Variants in MTF2 observed in about 807,000 individuals in gnomAD.
MTF2 encodes metal response element binding transcription factor 2.
A neutral mutation model predicts 79.5 loss-of-function variants in MTF2; 11 were observed. That is an observed-to-expected ratio of 0.14 (90% CI 0.09 to 0.23). MTF2 has a LOEUF of 0.23. Ranked by LOEUF, MTF2 falls within the 10% of genes least tolerant of loss-of-function variation. The pLI is 1.00. For missense variants in MTF2, 486 were observed against 711.2 expected, an observed-to-expected ratio of 0.68 and a Z score of 3.60; for synonymous variants, 208 against 232.8, an observed-to-expected ratio of 0.89 and a Z score of 0.97.
At chr1:93,122,250 C>T (rs986291227) in intron 9 of MTF2, among the ~76,000 whole-genome samples, 3 of 152,094 alleles carry the variant, frequency 2.0e-5, no homozygotes, top group Non-Finnish European at 4.4e-5. Context: ...ATTCTTTTAG[C>T]ACTTCATATG....
chr1:93,116,101 A>T (rs1177844539), intron 6 of MTF2, among the ~76,000 whole-genome samples: 2 of 152,240 alleles, frequency 1.3e-5, no homozygotes, highest in African/African-American at 4.8e-5. Context: ...GATAGGGCAC[A>T]GATTGTAGTG....
chr1:93,103,868 CT>C (rs1217757088), intron 1 of MTF2, among the ~76,000 whole-genome samples: 1 of 152,102 alleles, frequency 6.6e-6, no homozygotes, highest in African/African-American at 2.4e-5. Context: ...GTAATTTACT[CT>C]TTTCTTGCTT....
At chr1:93,114,863 A>G in intron 4 of MTF2, 80 bp downstream of exon 4, 2 of 1,261,368 alleles carry the variant, frequency 1.6e-6, no homozygotes, top group South Asian at 1.4e-5. Context: ...CTTTACATTG[A>G]TAATTTGAAA....
At chr1:93,083,220 A>G (rs1180498071) in intron 1 of MTF2, among the ~76,000 whole-genome samples, 1 of 152,172 alleles carries the variant, frequency 6.6e-6, no homozygotes, top group Non-Finnish European at 1.5e-5. Flanking sequence ...CAGAGAACTC[A>G]GTATCATGAG....
chr1:93,117,520 G>A (rs752391595), intron 6 of MTF2, among the ~76,000 whole-genome samples: 3 of 152,100 alleles, frequency 2.0e-5, no homozygotes, highest in Non-Finnish European at 4.4e-5. Context: ...TTTATACCTG[G>A]TAGAGTCTTA....
chr1:93,133,807 T>C lies in MTF2; in HGVS notation c.1265T>C (p.Leu422Ser). 6.3e-7 allele frequency: 1 copy of C among 1,598,806 alleles called. No individual in the cohort carries two copies. The highest frequency in any genetic ancestry group is 1.3e-5 in the African/African-American group (1 of 74,622). ...KMIQKTAEPLLDKESISENPT... is the reference protein window; with the variant it reads ...KMIQKTAEPLSDKESISENPT... ...ATTCAAAAAACTGCTGAGCCACTTT[T>C]GGTAAGAGGATATGTTGGTATATGT... Residue 422 changes from leucine to serine, a missense_variant and splice_region_variant, in exon 12 of 15, where the codon TTG (leucine) becomes TCG (serine). Leu to Ser is a moderately radical substitution (Grantham distance 145). Transcript: ENST00000370298.
intron 1 of MTF2, among the ~76,000 whole-genome samples, chr1:93,086,237 C>A (rs1171393953): frequency 6.6e-6 from 1 of 152,170 alleles, no homozygotes; most frequent in Non-Finnish European, 1.5e-5. Flanking sequence ...GGTGCATTGG[C>A]TCACGCCTGT....
Position 93,114,789 on chromosome 1 carries a change from C to A in MTF2, c.382+6C>A. 6.3e-7 allele frequency: 1 copy of A among 1,591,494 alleles called. No homozygotes were observed. The highest frequency in any genetic ancestry group is 8.6e-7 in the Non-Finnish European group (1 of 1,166,774). ...ATGTGACAAGTGTGGCCAAGGTAAC[C>A]ATTGATTTCTTTTAATCTTGTTACA... On this transcript the variant is annotated splice_donor_region_variant and intron_variant, in intron 4 of 14. Transcript: ENST00000370298.
intron 1 of MTF2, among the ~76,000 whole-genome samples, chr1:93,105,683 T>G (rs3066510): frequency 0.098 from 13,550 of 138,592 alleles, 1,988 homozygotes; most frequent in African/African-American, 0.33. Context: ...GTGTGTGTGT[T>G]TTTTTTTTGA....
chr1:93,133,580 A>G (rs1326591241), intron 11 of MTF2, 123 bp from the exon 12 acceptor site: 3 of 391,190 alleles, frequency 7.7e-6, no homozygotes, highest in Non-Finnish European at 1.3e-5. Flanking sequence ...ACTAATATTT[A>G]CTTTTTATTA....
intron 9 of MTF2, among the ~76,000 whole-genome samples, chr1:93,125,128 G>A (rs1392922682): frequency 2.0e-5 from 3 of 151,916 alleles, no homozygotes; most frequent in Non-Finnish European, 2.9e-5. Context: ...AAGTAAAAAA[G>A]TGGGTTTTAG....
chr1:93,108,653 G>A (rs1050027140), intron 1 of MTF2, among the ~76,000 whole-genome samples: 1 of 143,504 alleles, frequency 7.0e-6, no homozygotes, highest in Non-Finnish European at 1.5e-5. Flanking sequence ...ACTATGATGT[G>A]GCTGGGTGTA....
intron 9 of MTF2, among the ~76,000 whole-genome samples, chr1:93,125,302 GTTT>G (rs747981072): frequency 5.3e-5 from 4 of 75,550 alleles, no homozygotes; most frequent in Non-Finnish European, 6.9e-5. Flanking sequence ...GTTTGTCAGT[GTTT>G]TTTTTTTTTT....
intron 1 of MTF2, among the ~76,000 whole-genome samples, chr1:93,109,468 G>T (rs1655943368): frequency 6.6e-6 from 1 of 152,020 alleles, no homozygotes; most frequent in Admixed American, 6.6e-5. Flanking sequence ...CCAGTAGCTG[G>T]CATCACAGGT....
chr1:93,121,078 A>G (rs1656458284), intron 9 of MTF2: 1 of 976,964 alleles, frequency 1.0e-6, no homozygotes, highest in South Asian at 4.7e-5. Flanking sequence ...ACTCCTTTAT[A>G]TATTTCTGAC....
At chr1:93,098,845 C>A (rs998907415) in intron 1 of MTF2, among the ~76,000 whole-genome samples, 1 of 152,102 alleles carries the variant, frequency 6.6e-6, no homozygotes, top group Non-Finnish European at 1.5e-5. Context: ...TGACTTTGTT[C>A]TCCAATGAAT....
intron 1 of MTF2, among the ~76,000 whole-genome samples, chr1:93,106,545 CTT>C (rs768643362): frequency 7.7e-6 from 1 of 130,592 alleles, no homozygotes; most frequent in Non-Finnish European, 1.6e-5. Flanking sequence ...TTGAGACAGA[CTT>C]TTGCTTTTGT....
intron 3 of MTF2, among the ~76,000 whole-genome samples, chr1:93,114,336 GTAGCTC>G (rs1656160769): frequency 6.6e-6 from 1 of 152,172 alleles, no homozygotes; most frequent in South Asian, 2.1e-4. Context: ...ATTCTATAAA[GTAGCTC>G]TAGTGTTCAC....
chr1:93,115,279 A>C (rs940283920), intron 5 of MTF2, among the ~76,000 whole-genome samples, 191 bp downstream of exon 5: 6 of 152,258 alleles, frequency 3.9e-5, no homozygotes, highest in Admixed American at 2.6e-4. Flanking sequence ...TGATGATAGT[A>C]ATACGGGAAT....
Sources: allele counts gnomAD v4.1 joint callset (sites outside exome capture counted in the v4.1 genomes callset), GRCh38; gene constraint gnomAD v4.1.1; transcripts MANE v1.5; gene names NCBI Gene and HGNC (gene_info 2026-07-23, HGNC 2026-07-21).